Variants in ZNF420 observed in about 807,000 individuals in gnomAD.
ZNF420 encodes the protein zinc finger protein 420.
A neutral mutation model predicts 44.7 loss-of-function variants in ZNF420; 31 were observed. That is an observed-to-expected ratio of 0.69 (90% CI 0.52 to 0.94). ZNF420 has a LOEUF of 0.94. Ranked by LOEUF, ZNF420 falls within the 40% of genes least tolerant of loss-of-function variation. The pLI is 0.00. For missense variants in ZNF420, 681 were observed against 827.9 expected (o/e 0.82, Z 2.18); for synonymous variants, 245 against 267.4 (o/e 0.92, Z 0.82).
chr19:37,127,913 G>C lies in ZNF420; in HGVS notation c.922G>C (p.Glu308Gln). The C allele has an allele frequency of 6.2e-7, 1 of 1,613,976 alleles. No homozygotes were observed. The highest frequency in any genetic ancestry group is 8.5e-7 in the Non-Finnish European group (1 of 1,179,956). ...KRIHTGEKPY[E>Q]CKECGKAFIC... is the part of the protein sequence containing the mutation. The stretch of plus-strand genomic sequence containing the variant: ...AATTCATACCGGTGAGAAACCCTAT[G>C]AATGTAAGGAATGTGGAAAAGCTTT... Residue 308 changes from glutamate (E) to glutamine (Q), a missense_variant, in exon 5 of 5, where the codon GAA (glutamate) becomes CAA (glutamine). By Grantham distance (29) the Glu-to-Gln change is conservative. This residue lies in a region of ZNF420 where 350 missense variants were observed against 382.5 expected (regional missense o/e 0.92). Transcript: ENST00000337995.
In ZNF420 at chr19:37,033,913, C is replaced by T. The variant is rs544970040; in HGVS notation, c.-125+25831C>T. ...CTGGGATTACAGGCACACAGCACCA[C>T]GCCTGGCTAATTTTTGTATTTTTGG... On this transcript the variant is annotated intron_variant, in intron 1 of 4. Transcript: ENST00000587029. Among the ~76,000 whole-genome samples the T allele has an allele frequency of 3.5e-4, 53 of 152,234 alleles. 1 individual carries two copies. The highest frequency in any genetic ancestry group is 1.5e-3 in the South Asian group (7 of 4,814).
intron 1 of ZNF420, among the ~76,000 whole-genome samples, chr19:37,051,578 T>C (rs1408089059): frequency 6.6e-6 from 1 of 152,208 alleles, no homozygotes; most frequent in Non-Finnish European, 1.5e-5. Context: ...CCCTTTATCA[T>C]TTTTTATTGC....
At chr19:37,087,793 T>C (rs756696232) in intron 2 of ZNF420, among the ~76,000 whole-genome samples, 57 of 152,198 alleles carry the variant, frequency 3.7e-4, no homozygotes, top group Admixed American at 1.1e-3. Context: ...CTACAGGCGC[T>C]CGCCACCACA....
chr19:37,046,812 T>G (rs1418785793), intron 1 of ZNF420, among the ~76,000 whole-genome samples: 2 of 152,062 alleles, frequency 1.3e-5, no homozygotes, highest in East Asian at 3.9e-4. Context: ...TTTTGTGCAC[T>G]TTAAGCCATT....
chr19:37,034,656 A>T (rs1967322084), intron 1 of ZNF420, among the ~76,000 whole-genome samples: 1 of 152,210 alleles, frequency 6.6e-6, no homozygotes, highest in Non-Finnish European at 1.5e-5. Context: ...ATGTATTTTG[A>T]AGTGGAGAAC....
chr19:37,039,513 A>G (rs1390943359), intron 1 of ZNF420, among the ~76,000 whole-genome samples: 1 of 152,152 alleles, frequency 6.6e-6, no homozygotes, highest in Non-Finnish European at 1.5e-5. Context: ...AGGTCTCAAC[A>G]GTGGGATTAA....
intron 1 of ZNF420, among the ~76,000 whole-genome samples, chr19:37,045,770 T>C (rs1175827098): frequency 6.6e-6 from 1 of 152,252 alleles, no homozygotes; most frequent in Non-Finnish European, 1.5e-5. Flanking sequence ...TTGTATTTAT[T>C]GATCTTTCTG....
intron 4 of ZNF420, among the ~76,000 whole-genome samples, chr19:37,121,958 AAAC>A (rs1307121684): frequency 6.6e-6 from 1 of 152,220 alleles, no homozygotes; most frequent in Non-Finnish European, 1.5e-5. Flanking sequence ...AAAAGTCAGG[AAAC>A]AACAGGTGCT....
At chr19:37,092,824 C>T (rs1256637319) in intron 4 of ZNF420, among the ~76,000 whole-genome samples, 2 of 152,040 alleles carry the variant, frequency 1.3e-5, no homozygotes, top group Non-Finnish European at 2.9e-5. Context: ...GGCAGAAGTG[C>T]ACTATATCTT....
At position 37,066,174 on chromosome 19, in the gene ZNF420, G is replaced by A. The variant is rs549298549; in HGVS notation, c.-124-14171G>A. On this transcript the variant is annotated intron_variant, in intron 1 of 4. Transcript: ENST00000587029. ...CATTTATAACTCGGCCAGGCGCGGC[G>A]GCTCACGCCTGTAATCCCAGCACTT... is the stretch of plus-strand genomic sequence containing the variant. Among the ~76,000 whole-genome samples the A allele has an allele frequency of 9.8e-5, 15 of 152,328 alleles. No homozygotes were observed. In the East Asian group the frequency reaches 1.7e-3, roughly 18 times the overall value.
At position 37,128,633 on chromosome 19, in the gene ZNF420, C is replaced by T; in HGVS notation, c.1642C>T (p.Gln548Ter). ...CTTTGCGCGTGGCTTACTACTTATA[C>T]AACATCAGAGAATTCATACTGGTGA... ...KAFARGLLLI[Q>*]HQRIHTGEKP... The change falls in exon 5 of 5, where the codon CAA becomes TAA. Residue 548 changes from glutamine to a stop codon, truncating the protein, a stop_gained. Coordinates refer to ENST00000337995, the MANE Select transcript of ZNF420 (RefSeq NM_144689.5). LOFTEE classifies it high-confidence loss of function. The T allele has an allele frequency of 6.2e-7, 1 of 1,614,058 alleles. No homozygotes were observed. Among genetic ancestry groups the T allele is most frequent in the Non-Finnish European group, 8.5e-7 (1 of 1,179,958 alleles).
intron 4 of ZNF420, among the ~76,000 whole-genome samples, chr19:37,095,589 TTTTTC>T (rs944668699): frequency 8.6e-5 from 13 of 152,032 alleles, no homozygotes; most frequent in Non-Finnish European, 1.2e-4. Context: ...TGGTTTTATT[TTTTTC>T]TTTTCTTTTC....
chr19:37,070,470 G>A (rs1022290492), intron 1 of ZNF420, among the ~76,000 whole-genome samples: 2 of 152,072 alleles, frequency 1.3e-5, no homozygotes, highest in Admixed American at 6.5e-5. Context: ...GATCCCTATT[G>A]TAAACAAAGA....
intron 1 of ZNF420, among the ~76,000 whole-genome samples, chr19:37,057,600 G>T (rs778053362): frequency 2.2e-4 from 33 of 152,124 alleles, no homozygotes; most frequent in Non-Finnish European, 4.3e-4. Context: ...CCTGTTTTTG[G>T]TGAGCCTTTT....
chr19:37,031,494 A>G (rs545291871), intron 1 of ZNF420, among the ~76,000 whole-genome samples: 20 of 151,624 alleles, frequency 1.3e-4, no homozygotes, highest in Non-Finnish European at 2.7e-4. Flanking sequence ...TTGTAATTTT[A>G]TTATGCATTT....
At chr19:37,064,410 G>C (rs1317773452) in intron 1 of ZNF420, among the ~76,000 whole-genome samples, 1 of 152,070 alleles carries the variant, frequency 6.6e-6, no homozygotes, top group Non-Finnish European at 1.5e-5. Context: ...AGCCCCTCCT[G>C]TGTGGGTTTT....
At chr19:37,075,610 C>T (rs1968131670), upstream of ZNF420, among the ~76,000 whole-genome samples, 1 of 151,978 alleles carries the variant, frequency 6.6e-6, no homozygotes, top group Non-Finnish European at 1.5e-5. Flanking sequence ...GGCGTAGTGG[C>T]AGGCGCCTGT....
In ZNF420 at chr19:37,129,800, T is replaced by TA. The variant is rs1385360136; in HGVS notation, c.*743dup. 2.5e-6 allele frequency: 1 copy of TA among 404,300 alleles called. No individual in the cohort carries two copies. The highest frequency in any genetic ancestry group is 4.2e-6 in the Non-Finnish European group (1 of 237,434). The allele number at this position is 404,300 out of a possible 1,614,324, so 25.0% of individuals were successfully genotyped here. A position where few individuals can be genotyped will look rare whatever the true frequency, so the allele number is the denominator to read the frequency against. On this transcript the variant is annotated 3_prime_UTR_variant, in exon 5 of 5. Transcript: ENST00000337995. ...TCAGTGTATTATTGAGCACAGCTGT[T>TA]AGAGAAGTGGGACAAGGTGTGAAGT...
chr19:37,044,100 C>T (rs1452224938), intron 1 of ZNF420, among the ~76,000 whole-genome samples: 1 of 152,174 alleles, frequency 6.6e-6, no homozygotes, highest in Non-Finnish European at 1.5e-5. Context: ...CAGGTTTAAG[C>T]TTCAGAAAAT....
Sources: gnomAD v4.1 joint callset for allele counts (sites outside exome capture counted in the v4.1 genomes callset) on GRCh38, gnomAD v4.1.1 for gene constraint, gnomAD v4.1.1 regional missense constraint, MANE v1.5 for transcripts, NCBI Gene and HGNC (gene_info 2026-07-23, HGNC 2026-07-21) for gene names.